OSBPL1A: variants seen among roughly 807,000 people sequenced by gnomAD.
The protein encoded by OSBPL1A is oxysterol-binding protein-related protein 1.
Under a neutral mutation model 137.1 loss-of-function variants are expected in OSBPL1A, and 80 were observed. The ratio of observed to expected loss-of-function variants is 0.58; its 90% confidence interval spans 0.49 to 0.70. OSBPL1A has a LOEUF of 0.70. Ranked by LOEUF, OSBPL1A falls within the 30% of genes least tolerant of loss-of-function variation. The probability of loss-of-function intolerance (pLI) is 0.00; values close to 1 mark genes in which losing one functional copy is unlikely to be tolerated. For synonymous variants in OSBPL1A, 365 were observed against 389.7 expected (o/e 0.94, Z 0.75); for missense variants, 970 against 1,129.4 (o/e 0.86, Z 2.02).
chr18:24,200,868 G>A (rs938503941), intron 17 of OSBPL1A, among the ~76,000 whole-genome samples: 2 of 152,138 alleles, frequency 1.3e-5, no homozygotes, highest in African/African-American at 2.4e-5. Flanking sequence ...AATTAGGTAG[G>A]AGATTCAGTT....
intron 4 of OSBPL1A, among the ~76,000 whole-genome samples, chr18:24,344,800 T>C (rs1417305074): frequency 6.6e-6 from 1 of 151,594 alleles, no homozygotes; most frequent in African/African-American, 2.4e-5. Flanking sequence ...GAAAAGAGAA[T>C]GTGGGGGATT....
At chr18:24,348,252 T>C (rs1479696496) in intron 4 of OSBPL1A, among the ~76,000 whole-genome samples, 2 of 152,302 alleles carry the variant, frequency 1.3e-5, no homozygotes, top group South Asian at 4.1e-4. Context: ...ATATACCAAA[T>C]TTAAGGCCAG....
intron 15 of OSBPL1A, among the ~76,000 whole-genome samples, chr18:24,276,728 C>T (rs950814775): frequency 6.6e-6 from 1 of 152,140 alleles, no homozygotes; most frequent in Non-Finnish European, 1.5e-5. Flanking sequence ...GCTGGGATTA[C>T]AGGCATGAGC....
At chr18:24,355,982 T>A in intron 4 of OSBPL1A, among the ~76,000 whole-genome samples, 1 of 106,930 alleles carries the variant, frequency 9.4e-6, no homozygotes, top group Non-Finnish European at 1.8e-5. Context: ...TAGACTCTTG[T>A]CTCAAAAAAA....
chr18:24,254,878 G>A (rs1484377632), intron 15 of OSBPL1A, among the ~76,000 whole-genome samples: 1 of 152,062 alleles, frequency 6.6e-6, no homozygotes, highest in East Asian at 1.9e-4. Context: ...TGAAACTGAA[G>A]TGAGGAAAAT....
intron 18 of OSBPL1A, among the ~76,000 whole-genome samples, chr18:24,187,429 GA>G (rs1352670925): frequency 1.3e-5 from 2 of 151,970 alleles, no homozygotes; most frequent in Non-Finnish European, 2.9e-5. Context: ...AAACCAAGGG[GA>G]AAAAAATGAG....
At chr18:24,209,682 CAGAGCATTCACCAATAAAAAGGAA>C (rs1246342069) in intron 17 of OSBPL1A, among the ~76,000 whole-genome samples, 1 of 152,272 alleles carries the variant, frequency 6.6e-6, no homozygotes, top group Admixed American at 6.5e-5. Context: ...TTCAAACTAA[CAGAGCATTCACCAATAAAAAGGAA>C]AGAGCAACGA....
chr18:24,367,716 A>G (rs1224656487), intron 3 of OSBPL1A: 1 of 152,084 alleles, frequency 6.6e-6, no homozygotes, highest in Non-Finnish European at 1.5e-5. Flanking sequence ...AAAAAGGAGA[A>G]TGATCTCTGA....
In OSBPL1A at chr18:24,379,681, C is replaced by T. The variant is rs147164418; in HGVS notation, c.-2-2146G>A. On this transcript the variant is annotated intron_variant, in intron 1 of 27. Coordinates refer to ENST00000319481, the MANE Select transcript of OSBPL1A (RefSeq NM_080597.4). ...CCAGGAGTTTGAGACCAGCCTAATA[C>T]GGTGAAACCTCATCTCTACTAAAAA... Among the ~76,000 whole-genome samples, 1,453 of 151,478 alleles carry T rather than the reference C, an allele frequency of 9.6e-3. 22 individuals carry two copies. Among genetic ancestry groups the T allele is most frequent in the African/African-American group, 0.031 (1,263 of 41,276 alleles).
At chr18:24,196,354 T>C (rs1470956645) in intron 17 of OSBPL1A, among the ~76,000 whole-genome samples, 154 bp from the exon 18 acceptor site, 1 of 152,178 alleles carries the variant, frequency 6.6e-6, no homozygotes, top group African/African-American at 2.4e-5. Context: ...TAATCTAGGG[T>C]TGCACCTGTT....
At chr18:24,202,143 G>A (rs930488225) in intron 17 of OSBPL1A, among the ~76,000 whole-genome samples, 2 of 152,092 alleles carry the variant, frequency 1.3e-5, no homozygotes, top group African/African-American at 4.8e-5. Context: ...TTTCATGGAG[G>A]CTATAAAAGA....
At chr18:24,222,490 T>C (rs994007385) in intron 17 of OSBPL1A, among the ~76,000 whole-genome samples, 1 of 152,148 alleles carries the variant, frequency 6.6e-6, no homozygotes, top group Non-Finnish European at 1.5e-5. Flanking sequence ...GTCCAAGCTT[T>C]GAGAATTGCT....
At chr18:24,280,237 G>A (rs373322758) in intron 15 of OSBPL1A, among the ~76,000 whole-genome samples, 13 of 152,052 alleles carry the variant, frequency 8.5e-5, no homozygotes, top group African/African-American at 2.7e-4. Flanking sequence ...GAGCCACCAC[G>A]CCTGGCCTAA....
At chr18:24,387,243 G>T in intron 1 of OSBPL1A, among the ~76,000 whole-genome samples, 1 of 151,656 alleles carries the variant, frequency 6.6e-6, no homozygotes, top group East Asian at 1.9e-4. Flanking sequence ...TTTTGTAGAG[G>T]CAGGGTTTCC....
chr18:24,224,777 C>G (rs960133694), intron 17 of OSBPL1A, among the ~76,000 whole-genome samples: 1 of 152,134 alleles, frequency 6.6e-6, no homozygotes, highest in Non-Finnish European at 1.5e-5. Context: ...TTCTGAATAA[C>G]CTTTCTAAAT....
chr18:24,262,164 A>G (rs2089458889), intron 15 of OSBPL1A, among the ~76,000 whole-genome samples: 1 of 152,218 alleles, frequency 6.6e-6, no homozygotes, highest in Non-Finnish European at 1.5e-5. Context: ...GCATCATCAA[A>G]TTTTGCATCA....
At chr18:24,322,846 T>G (rs957014174) in intron 7 of OSBPL1A, among the ~76,000 whole-genome samples, 5 of 152,114 alleles carry the variant, frequency 3.3e-5, no homozygotes, top group African/African-American at 1.2e-4. Context: ...TGAAATAGCC[T>G]CCTAGATGGA....
chr18:24,188,573 C>T (rs2086810910), intron 18 of OSBPL1A, among the ~76,000 whole-genome samples: 1 of 152,084 alleles, frequency 6.6e-6, no homozygotes, highest in Admixed American at 6.5e-5. Flanking sequence ...AGAATGAACG[C>T]ATTCAAGAAA....
intron 16 of OSBPL1A, among the ~76,000 whole-genome samples, chr18:24,237,512 C>T (rs960223427): frequency 2.6e-5 from 4 of 152,082 alleles, no homozygotes; most frequent in African/African-American, 9.7e-5. Flanking sequence ...ACCATGTTGC[C>T]CAGGCTGGTC....
Sources: allele counts gnomAD v4.1 joint callset (sites outside exome capture counted in the v4.1 genomes callset), GRCh38; gene constraint gnomAD v4.1.1; transcripts MANE v1.5; gene names NCBI Gene and HGNC (gene_info 2026-07-23, HGNC 2026-07-21).